The following KLHL24 variants were observed in gnomAD, a reference collection of about 807,000 sequenced individuals.
KLHL24 encodes kelch-like protein 24.
Under a neutral mutation model 53.4 loss-of-function variants are expected in KLHL24, and 29 were observed. The observed-to-expected ratio is 0.54, with a 90% confidence interval of 0.40 to 0.74. The LOEUF (loss-of-function observed/expected upper bound fraction) is 0.74, where lower values mean the gene tolerates loss of function less well. Among genes scored for constraint, KLHL24 ranks in the 30% least tolerant of loss-of-function variants. KLHL24 has a pLI of 0.00. For synonymous variants in KLHL24, 222 were observed against 253.7 expected (o/e 0.88, Z 1.19); for missense variants, 504 against 744.0 (o/e 0.68, Z 3.75).
At chr3:183,671,721 C>T (rs1182612473) in intron 6 of KLHL24, among the ~76,000 whole-genome samples, 2 of 152,158 alleles carry the variant, frequency 1.3e-5, no homozygotes, top group African/African-American at 4.8e-5. Flanking sequence ...AGAATATGTG[C>T]TATCCTGACA....
At position 183,663,784 on chromosome 3, in the gene KLHL24, A is replaced by C; in HGVS notation, c.1105+142A>C. On this transcript the variant is annotated intron_variant, in intron 4 of 7. Coordinates refer to ENST00000242810, the MANE Select transcript of KLHL24 (RefSeq NM_017644.3). This position sits in a 1 kb window ranked among gnomAD's most constrained non-coding sequence, Gnocchi z 4.9. ...TTTACAACAAATAAAACCAAGAATG[A>C]CTTTTTGCTCTTAAAAACAGGTACA... 1.9e-6 allele frequency: 1 copy of C among 518,038 alleles called. No homozygotes were observed. The highest frequency in any genetic ancestry group is 3.1e-6 in the Non-Finnish European group (1 of 319,782). 32.1% of individuals were successfully genotyped at this position (518,038 alleles called of 1,614,324 possible). A position where few individuals can be genotyped will look rare whatever the true frequency, so the allele number is the denominator to read the frequency against.
chr3:183,645,361 A>G (rs1472326479), intron 2 of KLHL24, among the ~76,000 whole-genome samples: 1 of 152,238 alleles, frequency 6.6e-6, no homozygotes, highest in African/African-American at 2.4e-5. Context: ...TTCAAATTAA[A>G]AGCATATTTG....
Position 183,650,725 on chromosome 3 carries a change from T to C in KLHL24, c.369T>C (p.Tyr123=), listed in dbSNP as rs1486882431. The change falls in exon 3 of 8, where the codon TAT becomes TAC. Residue 123 remains tyrosine, a synonymous_variant. Coordinates refer to ENST00000242810, the MANE Select transcript of KLHL24 (RefSeq NM_017644.3). This position sits in a 1 kb window ranked among gnomAD's most constrained non-coding sequence, Gnocchi z 4.5. ...AAGCTATGGAATGTTTTTTGCAGTA[T>C]GTTTATACTGGAAAGGTGAAGATCA... is the stretch of plus-strand genomic sequence containing the variant. ...LAEAMECFLQ[Y]VYTGKVKITT... The C allele has an allele frequency of 6.2e-7, 1 of 1,614,036 alleles. No individual in the cohort carries two copies. The highest frequency in any genetic ancestry group is 8.5e-7 in the Non-Finnish European group (1 of 1,179,996).
chr3:183,643,147 T>A (rs1716717663), intron 1 of KLHL24: 1 of 152,754 alleles, frequency 6.5e-6, no homozygotes, highest in South Asian at 2.1e-4. Context: ...GGAGAATCGC[T>A]TGAACCTGGG....
At chr3:183,670,897 C>A in intron 5 of KLHL24, 137 bp from the exon 6 acceptor site, 1 of 624,638 alleles carries the variant, frequency 1.6e-6, no homozygotes, top group Non-Finnish European at 2.8e-6. Flanking sequence ...GGTTCAGAAA[C>A]TCTGAGCTAA....
intron 7 of KLHL24, among the ~76,000 whole-genome samples, chr3:183,677,564 A>G (rs1030794889): frequency 1.3e-5 from 2 of 152,216 alleles, no homozygotes; most frequent in African/African-American, 4.8e-5. Flanking sequence ...AATTTCTTCT[A>G]TAAGAGCAAA....
Position 183,671,206 on chromosome 3 carries a change from A to G in KLHL24, c.1397A>G (p.Asn466Ser). Residue 466 changes from asparagine (N) to serine (S), a missense_variant, in exon 6 of 8, where the codon AAT (asparagine) becomes AGT (serine). Asn to Ser is a conservative substitution (Grantham distance 46, BLOSUM62 1). Coordinates refer to ENST00000242810, the MANE Select transcript of KLHL24 (RefSeq NM_017644.3). ...GTGATTGGTGGAGGACCTGATGATA[A>G]TACTTGTTCTGATAAGGTAAGCCAT... ...LFVIGGGPDD[N>S]TCSDKVQSYD... 6.2e-7 allele frequency: 1 copy of G among 1,613,732 alleles called. No homozygotes were observed. The highest frequency in any genetic ancestry group is 1.3e-5 in the African/African-American group (1 of 75,036).
At chr3:183,668,339 G>A (rs560651878) in intron 5 of KLHL24, among the ~76,000 whole-genome samples, 22 of 152,032 alleles carry the variant, frequency 1.4e-4, no homozygotes, top group African/African-American at 4.3e-4. Flanking sequence ...AAATTTATTT[G>A]ACAAAATAGT....
At position 183,679,313 on chromosome 3, in the gene KLHL24, A is replaced by G. The variant is rs775989844; in HGVS notation, c.*27A>G. The G allele has an allele frequency of 2.5e-6, 4 of 1,572,696 alleles. No individual in the cohort carries two copies. The highest frequency in any genetic ancestry group is 1.1e-5 in the South Asian group (1 of 90,158). On this transcript the variant is annotated 3_prime_UTR_variant, in exon 8 of 8. Coordinates refer to ENST00000242810, the MANE Select transcript of KLHL24 (RefSeq NM_017644.3). ...GACAGGATACCTCACCGAAGAAGCC[A>G]CACTGATCCAAGATGGGAGGTTTTA...
chr3:183,653,715 AG>A (rs1342946476), intron 3 of KLHL24, among the ~76,000 whole-genome samples: 7 of 152,208 alleles, frequency 4.6e-5, no homozygotes, highest in Non-Finnish European at 1.0e-4. Flanking sequence ...AGAGAATTTT[AG>A]GGGGAGACTG....
At chr3:183,659,510 C>T (rs1447267863) in intron 3 of KLHL24, among the ~76,000 whole-genome samples, 1 of 152,186 alleles carries the variant, frequency 6.6e-6, no homozygotes, top group African/African-American at 2.4e-5. Context: ...CCAGCTTGAG[C>T]AACAGAGTGA....
chr3:183,654,679 A>G (rs886956673), intron 3 of KLHL24, among the ~76,000 whole-genome samples: 2 of 152,154 alleles, frequency 1.3e-5, no homozygotes, highest in Non-Finnish European at 2.9e-5. Context: ...CCAAGCTAGG[A>G]TTAGTCATTA....
At position 183,663,625 on chromosome 3, in the gene KLHL24, A is replaced by G. The variant is rs1249858006; in HGVS notation, c.1088A>G (p.Asn363Ser). The G allele has an allele frequency of 1.3e-6, 2 of 1,550,386 alleles. No individual in the cohort carries two copies. The highest frequency in any genetic ancestry group is 1.7e-6 in the Non-Finnish European group (2 of 1,146,606). ...KSEYAVCALRNDILVSGGRIN... is the reference protein window; with the variant it reads ...KSEYAVCALRSDILVSGGRIN... The stretch of plus-strand genomic sequence containing the variant: ...GAGTATGCAGTCTGTGCTCTAAGGA[A>G]TGACATTCTTGTTTCAGGTAAATAT... The change falls in exon 4 of 8, where the codon AAT (asparagine) becomes AGT (serine). Residue 363 changes from asparagine (N) to serine (S), a missense_variant. Transcript: ENST00000242810. This position sits in a 1 kb window ranked among gnomAD's most constrained non-coding sequence, Gnocchi z 4.9.
At chr3:183,670,114 A>G (rs1482338568) in intron 5 of KLHL24, among the ~76,000 whole-genome samples, 9 of 151,980 alleles carry the variant, frequency 5.9e-5, no homozygotes, top group Non-Finnish European at 1.2e-4. Context: ...AATAAAAATA[A>G]ATTAGTAGGG....
intron 5 of KLHL24, among the ~76,000 whole-genome samples, chr3:183,667,174 C>G (rs1720687270): frequency 6.6e-6 from 1 of 152,206 alleles, no homozygotes; most frequent in East Asian, 1.9e-4. Context: ...AATCCCAGCA[C>G]TTTGGGAGGC....
In KLHL24 at chr3:183,669,065, A is replaced by G. The variant is rs371985359; in HGVS notation, c.1225-1969A>G. On this transcript the variant is annotated intron_variant, in intron 5 of 7. Transcript: ENST00000242810. ...CAAAAGCTCAGACTTTTCTTAATCT[A>G]GAGGCCTTTTGTCTTGATGCTCATG... 1.4e-4 allele frequency among the ~76,000 whole-genome samples: 21 copies of G among 152,320 alleles called. 1 individual carries two copies. Among genetic ancestry groups the G allele is most frequent in the Admixed American group, 5.2e-4 (8 of 15,292 alleles).
Position 183,672,323 on chromosome 3 carries a change from T to G in KLHL24, c.1441T>G (p.Ser481Ala). 1 of 1,600,800 alleles carries G rather than the reference T, an allele frequency of 6.2e-7. No homozygotes were observed. ...KVQSYDPETN[S>A]WLLRAAIPIA... ...TCAATCTTATGATCCAGAAACCAAT[T>G]CTTGGCTACTTCGTGCAGCTATCCC... The change falls in exon 7 of 8, where the codon TCT (serine) becomes GCT (alanine). Residue 481 changes from serine (S) to alanine (A), a missense_variant. Ser to Ala is a moderately conservative substitution (Grantham distance 99, BLOSUM62 1). Transcript: ENST00000242810.
intron 1 of KLHL24, among the ~76,000 whole-genome samples, chr3:183,642,713 T>C (rs1411576674): frequency 6.6e-6 from 1 of 151,846 alleles, no homozygotes; most frequent in African/African-American, 2.4e-5. Context: ...TATACATTTA[T>C]ATATTAAAAG....
At chr3:183,640,919 T>C (rs1001843284) in intron 1 of KLHL24, among the ~76,000 whole-genome samples, 5 of 151,960 alleles carry the variant, frequency 3.3e-5, no homozygotes, top group African/African-American at 1.2e-4. Context: ...TATCTTGTGG[T>C]GGGTAAATAT....
Sources: gnomAD v4.1 joint callset for allele counts (sites outside exome capture counted in the v4.1 genomes callset) on GRCh38, gnomAD v4.1.1 for gene constraint, Gnocchi (gnomAD v3.1) non-coding constraint, MANE v1.5 for transcripts, NCBI Gene and HGNC (gene_info 2026-07-23, HGNC 2026-07-21) for gene names.